The following COA1 variants were observed in gnomAD, a reference collection of about 807,000 sequenced individuals.
The protein encoded by COA1 is cytochrome c oxidase assembly factor 1, also known as cytochrome c oxidase assembly factor 1 homolog.
Under a neutral mutation model 16.0 loss-of-function variants are expected in COA1, and 13 were observed. That is an observed-to-expected ratio of 0.81 (90% CI 0.53 to 1.29). The LOEUF (loss-of-function observed/expected upper bound fraction) is 1.29, where lower values mean the gene tolerates loss of function less well. Ranked by LOEUF, COA1 falls within the 50% of genes most tolerant of loss-of-function variation. The probability of loss-of-function intolerance (pLI) is 0.00; values close to 1 mark genes in which losing one functional copy is unlikely to be tolerated. For missense variants in COA1, 179 were observed against 177.0 expected (o/e 1.01, Z -0.06); for synonymous variants, 65 against 65.7 (o/e 0.99, Z 0.05).
intron 6 of COA1, among the ~76,000 whole-genome samples, chr7:43,618,236 G>C (rs1393182103): frequency 6.6e-6 from 1 of 152,190 alleles, no homozygotes; most frequent in African/African-American, 2.4e-5. Context: ...CCTGGAAGGA[G>C]CAGGGGAGGC....
Position 43,645,569 on chromosome 7 carries a change from C to CA in COA1, c.116-171dup, listed in dbSNP as rs2089039717. On this transcript the variant is annotated intron_variant, in intron 3 of 5. Transcript: ENST00000223336. ...CTCTAAATTGTCCATTTTACAGACT[C>CA]AAAAACCAAAGCACAGGCAGGCAGT... 4.2e-5 allele frequency: 26 copies of CA among 615,302 alleles called. No individual in the cohort carries two copies. In the East Asian group the frequency reaches 7.6e-4, roughly 18 times the overall value. The allele number at this position is 615,302 out of a possible 1,614,324, so 38.1% of individuals were successfully genotyped here.
At chr7:43,642,797 A>G (rs1563220016) in intron 4 of COA1, among the ~76,000 whole-genome samples, 1 of 152,212 alleles carries the variant, frequency 6.6e-6, no homozygotes, top group Non-Finnish European at 1.5e-5. Flanking sequence ...TCTCACACAC[A>G]TACTTGGGAA....
chr7:43,638,891 T>G (rs1309861472), downstream of COA1: 3 of 152,270 alleles, frequency 2.0e-5, no homozygotes, highest in Non-Finnish European at 4.4e-5. Flanking sequence ...GCTGTTAGCT[T>G]CAAACTAACT....
At chr7:43,723,106 G>A (rs187320384) in intron 1 of COA1, among the ~76,000 whole-genome samples, 36 of 152,334 alleles carry the variant, frequency 2.4e-4, no homozygotes, top group Non-Finnish European at 5.0e-4. Context: ...ATGGGAGGGA[G>A]AGGTTGGTAG....
At chr7:43,729,130 C>T (rs1216295517) in intron 1 of COA1, among the ~76,000 whole-genome samples, 1 of 152,198 alleles carries the variant, frequency 6.6e-6, no homozygotes, top group Admixed American at 6.5e-5. Context: ...TCGAGAGGAC[C>T]CTAACTCTTT....
In COA1 at chr7:43,694,823, G is replaced by A. The variant is rs540596263; in HGVS notation, c.-39+34606C>T. Among the ~76,000 whole-genome samples, 9 of 152,140 alleles carry A rather than the reference G, an allele frequency of 5.9e-5. 1 individual carries two copies. The East Asian group carries it at 9.7e-4, about 16-fold the overall frequency. On this transcript the variant is annotated intron_variant, in intron 1 of 5. Coordinates refer to ENST00000223336, the MANE Select transcript of COA1 (RefSeq NM_018224.4). ...ATTCCAGGCTCATGTTATCACCTGC[G>A]TAGTCCACATCTCAACCTGAATGCT... is the stretch of plus-strand genomic sequence containing the variant.
intron 1 of COA1, among the ~76,000 whole-genome samples, chr7:43,666,824 C>T (rs2092921954): frequency 6.6e-6 from 1 of 152,116 alleles, no homozygotes; most frequent in Non-Finnish European, 1.5e-5. Context: ...TGCTTACTAA[C>T]CAGATTTTTC....
chr7:43,652,357 C>T (rs564859037), intron 1 of COA1, among the ~76,000 whole-genome samples: 1 of 152,250 alleles, frequency 6.6e-6, no homozygotes, highest in South Asian at 2.1e-4. Context: ...GTAACTACTA[C>T]GGACCAGGCA....
chr7:43,644,065 G>C (rs1371523719), intron 4 of COA1, among the ~76,000 whole-genome samples: 1 of 152,038 alleles, frequency 6.6e-6, no homozygotes, highest in Non-Finnish European at 1.5e-5. Flanking sequence ...TCGCCCACCT[G>C]TGCCTCCACT....
At chr7:43,639,998 T>C (rs919373139) in intron 5 of COA1, among the ~76,000 whole-genome samples, 4 of 152,200 alleles carry the variant, frequency 2.6e-5, no homozygotes, top group Non-Finnish European at 4.4e-5. Flanking sequence ...TCCAGCCAGC[T>C]TGTACACTAA....
chr7:43,633,486 C>T (rs1369438994), intron 6 of COA1: 1 of 152,202 alleles, frequency 6.6e-6, no homozygotes, highest in African/African-American at 2.4e-5. Context: ...ATTAAGTTCA[C>T]CATCTTATGT....
intron 6 of COA1, among the ~76,000 whole-genome samples, chr7:43,611,318 T>TG (rs1464494409): frequency 5.3e-5 from 8 of 152,238 alleles, no homozygotes; most frequent in African/African-American, 1.7e-4. Flanking sequence ...TTTTGAAAGA[T>TG]GCCAATGTAA....
At position 43,717,595 on chromosome 7, in the gene COA1, A is replaced by T. The variant is rs2095420741; in HGVS notation, c.-39+11834T>A. Among the ~76,000 whole-genome samples the T allele has an allele frequency of 2.0e-5, 3 of 152,240 alleles. No homozygotes were observed. The South Asian group carries it at 6.2e-4, about 32-fold the overall frequency. On this transcript the variant is annotated intron_variant, in intron 1 of 5. Transcript: ENST00000223336. ...GTCTCAGATGAAACTTTGAACTGTG[A>T]ACTTTTGGGTTAATGCTGAAATGAG...
At chr7:43,666,182 A>C (rs1342005120) in intron 1 of COA1, among the ~76,000 whole-genome samples, 1 of 152,218 alleles carries the variant, frequency 6.6e-6, no homozygotes, top group Non-Finnish European at 1.5e-5. Context: ...AAGCTGACAC[A>C]CAAAAATAAC....
intron 6 of COA1, chr7:43,623,660 A>G (rs2153022356): frequency 6.2e-7 from 1 of 1,607,742 alleles, no homozygotes; most frequent in East Asian, 2.2e-5. Context: ...ATTAGTTTCA[A>G]GAAATGAGTA....
chr7:43,709,472 GTA>G (rs1156556426), intron 1 of COA1, among the ~76,000 whole-genome samples: 9 of 147,598 alleles, frequency 6.1e-5, no homozygotes, highest in South Asian at 2.1e-4. Flanking sequence ...GTGTGTGTGT[GTA>G]TACGCATGAA....
intron 1 of COA1, among the ~76,000 whole-genome samples, chr7:43,667,556 T>C (rs1471357890): frequency 6.6e-6 from 1 of 152,198 alleles, no homozygotes. Context: ...CCTGGAAATT[T>C]TGTCATTCAC....
intron 6 of COA1, among the ~76,000 whole-genome samples, chr7:43,611,120 A>AT (rs1205535761): frequency 6.6e-6 from 1 of 152,254 alleles, no homozygotes; most frequent in East Asian, 1.9e-4. Context: ...CCGTCTCAAA[A>AT]CAAAAAAAAG....
intron 1 of COA1, among the ~76,000 whole-genome samples, chr7:43,718,417 C>T (rs2095438754): frequency 6.6e-6 from 1 of 152,180 alleles, no homozygotes; most frequent in African/African-American, 2.4e-5. Context: ...GCTCTAAGAA[C>T]CAATCACATC....
Sources: allele counts gnomAD v4.1 joint callset (sites outside exome capture counted in the v4.1 genomes callset), GRCh38; gene constraint gnomAD v4.1.1; transcripts MANE v1.5; gene names NCBI Gene and HGNC (gene_info 2026-07-23, HGNC 2026-07-21).